Variants in ANKRD36C observed in about 807,000 individuals in gnomAD.
ANKRD36C encodes ankyrin repeat domain 36C, also known as ankyrin repeat domain-containing protein 36C.
ANKRD36C carries 61 observed loss-of-function variants against 276.4 expected under a neutral mutation model. The ratio of observed to expected loss-of-function variants is 0.22; its 90% CI spans 0.18 to 0.27. ANKRD36C has a LOEUF of 0.27. Among genes scored for constraint, ANKRD36C ranks in the 10% least tolerant of loss-of-function variants. ANKRD36C has a pLI of 1.00. For missense variants in ANKRD36C, 1,447 were observed against 2,032.3 expected, an observed-to-expected ratio of 0.71 and a Z score of 5.54; for synonymous variants, 483 against 680.1, an observed-to-expected ratio of 0.71 and a Z score of 4.51.
chr2:95,857,176 C>T, intron 62 of ANKRD36C, 133 bp downstream of exon 82: 2 of 1,098,114 alleles, frequency 1.8e-6, no homozygotes, highest in East Asian at 2.8e-5. Flanking sequence ...GTTATAAATG[C>T]CATGATTCAT....
intron 8 of ANKRD36C, among the ~76,000 whole-genome samples, chr2:95,961,188 G>A (rs201419257): frequency 1.3e-4 from 16 of 120,328 alleles, no homozygotes; most frequent in African/African-American, 5.0e-4. Context: ...GAAGTGTCCC[G>A]AATTGATCAG....
intron 38 of ANKRD36C, among the ~76,000 whole-genome samples, chr2:95,914,769 C>T (rs541506534): frequency 1.3e-5 from 2 of 151,554 alleles, no homozygotes; most frequent in South Asian, 2.1e-4. Context: ...CACACAATTC[C>T]GATGATACTT....
At chr2:95,935,666 T>C (rs199582241) in intron 22 of ANKRD36C, 22 bp from the exon 23 acceptor site, 8,732 of 1,528,862 alleles carry the variant, frequency 5.7e-3, no homozygotes, top group Non-Finnish European at 5.5e-3. Context: ...AAGGGACACA[T>C]AATTAAGTTT....
chr2:95,927,301 A>C lies in ANKRD36C; in HGVS notation c.1867-15T>G. The C allele has an allele frequency of 6.2e-7, 1 of 1,609,388 alleles. No homozygotes were observed. ...TCACTTGTAGCCTGAATGGGATTTGAAACAAAATAATCAATACGTAAAGTA... is the reference window on the plus strand; with the variant it reads ...TCACTTGTAGCCTGAATGGGATTTGCAACAAAATAATCAATACGTAAAGTA... On this transcript the variant is annotated splice_polypyrimidine_tract_variant and intron_variant, in intron 27 of 66. Transcript: ENST00000456556.
At chr2:95,912,920 T>C (rs532212086) in intron 40 of ANKRD36C, among the ~76,000 whole-genome samples, 4 of 151,376 alleles carry the variant, frequency 2.6e-5, no homozygotes, top group East Asian at 2.0e-4. Context: ...TTCAGTTGAA[T>C]GTACACTTCA....
chr2:95,919,579 A>G (rs1429105471), intron 34 of ANKRD36C, among the ~76,000 whole-genome samples, 154 bp downstream of exon 36: 1 of 132,084 alleles, frequency 7.6e-6, no homozygotes, highest in Non-Finnish European at 1.7e-5. Context: ...GCGTCTCCCA[A>G]GAAATTTATT....
chr2:95,916,499 G>C (rs181778503), intron 36 of ANKRD36C, among the ~76,000 whole-genome samples: 1 of 151,628 alleles, frequency 6.6e-6, no homozygotes, highest in Non-Finnish European at 1.5e-5. Context: ...ACTCATACAC[G>C]TGAGAATCAA....
intron 59 of ANKRD36C, among the ~76,000 whole-genome samples, chr2:95,870,788 T>A (rs1675791068): frequency 6.6e-6 from 1 of 152,098 alleles, no homozygotes; most frequent in African/African-American, 2.4e-5. Flanking sequence ...GACGAATGTA[T>A]ACCTAGAATA....
chr2:95,987,165 A>G, exon 2 of ANKRD36C: 1 of 1,549,352 alleles, frequency 6.5e-7, no homozygotes, highest in Non-Finnish European at 8.7e-7. Context: ...GAGATGTACC[A>G]TTTCCGGTTG....
intron 63 of ANKRD36C, 142 bp downstream of exon 83, chr2:95,855,124 C>G: frequency 7.8e-7 from 1 of 1,282,314 alleles, no homozygotes; most frequent in Admixed American, 3.2e-5. Context: ...TTGCTGGAGA[C>G]AAGGAATGTT....
intron 6 of ANKRD36C, among the ~76,000 whole-genome samples, chr2:95,976,704 C>A (rs1438562508): frequency 6.6e-6 from 1 of 152,108 alleles, no homozygotes; most frequent in Non-Finnish European, 1.5e-5. Flanking sequence ...ATTTGGACAA[C>A]AGACATACCA....
Position 95,853,963 on chromosome 2 carries a change from C to G in ANKRD36C, c.4996-102G>C, listed in dbSNP as rs1675351620. ...GCATACGCTTTGAAAAATATCACCA[C>G]ACAGACCGATTCACCTTCTTTTCCT... On this transcript the variant is annotated intron_variant, in intron 63 of 66. Transcript: ENST00000456556. The G allele has an allele frequency of 2.1e-6, 3 of 1,410,002 alleles. No individual in the cohort carries two copies. In the Admixed American group the frequency reaches 7.1e-5, roughly 33 times the overall value. The allele number at this position is 1,410,002 out of a possible 1,614,324, so 87.3% of individuals were successfully genotyped here. A position where few individuals can be genotyped will look rare whatever the true frequency, so the allele number is the denominator to read the frequency against.
intron 24 of ANKRD36C, among the ~76,000 whole-genome samples, chr2:95,934,477 C>G (rs945462297): frequency 6.6e-6 from 1 of 152,034 alleles, no homozygotes; most frequent in Non-Finnish European, 1.5e-5. Context: ...AGCCTGAAAC[C>G]ATTATTCTCA....
chr2:95,927,276 T>C, exon 28 of ANKRD36C: 4 of 1,610,102 alleles, frequency 2.5e-6, no homozygotes, highest in Non-Finnish European at 3.4e-6. Context: ...ATCTTTCTCA[T>C]CACTTGTAGC....
At chr2:95,895,873 G>A (rs1455151307) in intron 44 of ANKRD36C, among the ~76,000 whole-genome samples, 4 of 151,026 alleles carry the variant, frequency 2.6e-5, no homozygotes, top group African/African-American at 7.3e-5. Flanking sequence ...TATGATGAGC[G>A]ATGAGGACAA....
At position 95,971,249 on chromosome 2, in the gene ANKRD36C, G is replaced by A. The variant is rs936198166; in HGVS notation, c.799+6873C>T. On this transcript the variant is annotated intron_variant, in intron 6 of 66. Transcript: ENST00000456556. ...AGGGCAGTGAAAGTATTCTAATGGC[G>A]GGTACATTTATTATACATTTGTCCA... is the stretch of plus-strand genomic sequence containing the variant. Among the ~76,000 whole-genome samples, 789 of 149,244 alleles carry A rather than the reference G, an allele frequency of 5.3e-3. 5 individuals carry two copies. Among genetic ancestry groups the A allele is most frequent in the African/African-American group, 0.018 (732 of 41,160 alleles).
chr2:95,985,793 T>A (rs1006877568), intron 3 of ANKRD36C, among the ~76,000 whole-genome samples: 1 of 152,182 alleles, frequency 6.6e-6, no homozygotes, highest in Admixed American at 6.5e-5. Flanking sequence ...AAACTTCATT[T>A]ACTTTTCCTG....
chr2:95,912,173 A>T, intron 42 of ANKRD36C, 71 bp downstream of exon 44: 1 of 1,528,016 alleles, frequency 6.5e-7, no homozygotes, highest in Non-Finnish European at 8.8e-7. Flanking sequence ...CCAGCCCCCC[A>T]CTGATTTATT....
intron 12 of ANKRD36C, among the ~76,000 whole-genome samples, 169 bp downstream of exon 12, chr2:95,958,422 A>G (rs1678381107): frequency 6.6e-6 from 1 of 152,100 alleles, no homozygotes; most frequent in South Asian, 2.1e-4. Flanking sequence ...GATCATGGAC[A>G]AAAATCAGCA....
Sources: gnomAD v4.1 joint callset for allele counts (sites outside exome capture counted in the v4.1 genomes callset) on GRCh38, gnomAD v4.1.1 for gene constraint, MANE v1.5 for transcripts, NCBI Gene and HGNC (gene_info 2026-07-23, HGNC 2026-07-21) for gene names.